TBC1D22A: variants seen among roughly 807,000 people sequenced by gnomAD.
TBC1D22A encodes the protein putative GTPase activator.
TBC1D22A carries 38 observed loss-of-function variants against 60.2 expected under a neutral mutation model. The observed-to-expected ratio is 0.63, with a 90% CI of 0.49 to 0.83. TBC1D22A has a LOEUF of 0.83. Among genes scored for constraint, TBC1D22A ranks in the 40% least tolerant of loss-of-function variants. TBC1D22A has a pLI of 0.00. For missense variants in TBC1D22A, 628 were observed against 701.0 expected, an observed-to-expected ratio of 0.90 and a Z score of 1.18; for synonymous variants, 302 against 281.7, an observed-to-expected ratio of 1.07 and a Z score of -0.72.
chr22:47,120,750 TCTC>T (rs1337496424), intron 12 of TBC1D22A, among the ~76,000 whole-genome samples: 2 of 152,202 alleles, frequency 1.3e-5, no homozygotes, highest in African/African-American at 4.8e-5. Context: ...TAAAAGCAGG[TCTC>T]CTCTGAAAAT....
chr22:47,124,109 C>T (rs77051538), intron 12 of TBC1D22A, among the ~76,000 whole-genome samples: 2 of 152,144 alleles, frequency 1.3e-5, no homozygotes, highest in East Asian at 1.9e-4. Flanking sequence ...TGTGTGGGAG[C>T]GGCAGAGAGA....
At chr22:46,797,979 C>T (rs2084731365) in intron 4 of TBC1D22A, among the ~76,000 whole-genome samples, 1 of 152,206 alleles carries the variant, frequency 6.6e-6, no homozygotes, top group Non-Finnish European at 1.5e-5. Context: ...TCAAGCAATC[C>T]TCCTGCCTCA....
At chr22:46,776,870 C>T (rs1750393112) in intron 1 of TBC1D22A, among the ~76,000 whole-genome samples, 2 of 152,066 alleles carry the variant, frequency 1.3e-5, no homozygotes. Context: ...GACCTGAAGG[C>T]ATACGAGTTC....
At chr22:46,941,127 A>G (rs1687161154) in intron 8 of TBC1D22A, among the ~76,000 whole-genome samples, 1 of 130,902 alleles carries the variant, frequency 7.6e-6, no homozygotes, top group Non-Finnish European at 1.6e-5. Context: ...ACACACACAC[A>G]CACACACACA....
intron 12 of TBC1D22A, among the ~76,000 whole-genome samples, chr22:47,111,921 CT>C (rs1242345837): frequency 6.6e-6 from 1 of 152,228 alleles, no homozygotes. Context: ...CTTGTGACCT[CT>C]GGTCCCTGGA....
intron 12 of TBC1D22A, among the ~76,000 whole-genome samples, chr22:47,157,479 G>C (rs766320101): frequency 6.6e-6 from 1 of 152,236 alleles, no homozygotes; most frequent in East Asian, 1.9e-4. Context: ...GGGGTCTGCT[G>C]TAGGTGTCCT....
intron 8 of TBC1D22A, among the ~76,000 whole-genome samples, chr22:46,942,023 A>AT (rs34913112): frequency 2.9e-5 from 4 of 136,756 alleles, no homozygotes; most frequent in South Asian, 2.3e-4. Flanking sequence ...ATATATATAT[A>AT]TATTATATAT....
chr22:47,110,143 T>G (rs937338062), intron 11 of TBC1D22A, among the ~76,000 whole-genome samples: 4 of 152,194 alleles, frequency 2.6e-5, no homozygotes, highest in African/African-American at 9.7e-5. Flanking sequence ...GTCTCTGTGT[T>G]TCCTGCTGCT....
At chr22:47,059,353 G>A (rs1036023383) in intron 11 of TBC1D22A, among the ~76,000 whole-genome samples, 3 of 152,226 alleles carry the variant, frequency 2.0e-5, no homozygotes, top group Non-Finnish European at 2.9e-5. Context: ...ACAGGAGGGC[G>A]TTGCACTGGC....
intron 11 of TBC1D22A, among the ~76,000 whole-genome samples, chr22:47,065,070 G>A (rs1234803448): frequency 2.0e-5 from 3 of 152,084 alleles, no homozygotes; most frequent in African/African-American, 4.8e-5. Context: ...TGTAACCTCC[G>A]CCTCCCGGGT....
intron 8 of TBC1D22A, among the ~76,000 whole-genome samples, chr22:46,950,508 C>A (rs533651111): frequency 2.3e-4 from 35 of 152,268 alleles, no homozygotes; most frequent in Admixed American, 1.8e-3. Context: ...CTGGACTGTC[C>A]TTTAGGGCCG....
At chr22:46,962,905 C>A (rs542620729) in intron 8 of TBC1D22A, among the ~76,000 whole-genome samples, 3 of 152,052 alleles carry the variant, frequency 2.0e-5, no homozygotes, top group African/African-American at 7.2e-5. Flanking sequence ...TTTTTTGTGA[C>A]GATGACTTTA....
chr22:46,945,128 T>C (rs981683107), intron 8 of TBC1D22A, among the ~76,000 whole-genome samples: 31 of 152,240 alleles, frequency 2.0e-4, no homozygotes, highest in Admixed American at 6.5e-5. Context: ...AATCCTCATC[T>C]TCTGGTCTCC....
At chr22:46,974,798 G>A (rs534415640) in intron 9 of TBC1D22A, among the ~76,000 whole-genome samples, 2 of 152,340 alleles carry the variant, frequency 1.3e-5, no homozygotes, top group East Asian at 3.9e-4. Context: ...CTGACACCAG[G>A]CTGTGAGCCC....
At chr22:47,089,545 C>A (rs562961183) in intron 11 of TBC1D22A, among the ~76,000 whole-genome samples, 1 of 152,172 alleles carries the variant, frequency 6.6e-6, no homozygotes, top group Non-Finnish European at 1.5e-5. Flanking sequence ...CGCACAAAGG[C>A]GGAAAGCCTG....
intron 4 of TBC1D22A, among the ~76,000 whole-genome samples, chr22:46,839,247 C>A (rs1041204708): frequency 5.9e-5 from 8 of 136,122 alleles, no homozygotes; most frequent in African/African-American, 7.9e-5. Context: ...ACAATAGAAT[C>A]AAAAAGAATG....
In TBC1D22A at chr22:46,836,181, A is replaced by G. The variant is rs183708488; in HGVS notation, c.637+38561A>G. On this transcript the variant is annotated intron_variant, in intron 4 of 12. Transcript: ENST00000337137. ...ATGTAGTCAAATTCAGAATACCTCA[A>G]TATTGTAATGATGGTGTGTAAATCA... 2.6e-5 allele frequency among the ~76,000 whole-genome samples: 4 copies of G among 152,370 alleles called. No individual in the cohort carries two copies. The East Asian group carries it at 5.8e-4, about 22-fold the overall frequency.
At chr22:46,958,980 A>G (rs1388418179) in intron 8 of TBC1D22A, among the ~76,000 whole-genome samples, 1 of 152,070 alleles carries the variant, frequency 6.6e-6, no homozygotes, top group Non-Finnish European at 1.5e-5. Flanking sequence ...GTGAAGCGGG[A>G]AGCTCTCCTT....
intron 12 of TBC1D22A, among the ~76,000 whole-genome samples, chr22:47,135,722 G>C (rs1004999572): frequency 6.6e-6 from 1 of 152,258 alleles, no homozygotes; most frequent in African/African-American, 2.4e-5. Context: ...ATTAGTACTT[G>C]TTGAAGGAAT....
Sources: allele counts gnomAD v4.1 joint callset (sites outside exome capture counted in the v4.1 genomes callset), GRCh38; gene constraint gnomAD v4.1.1; transcripts MANE v1.5; gene names NCBI Gene and HGNC (gene_info 2026-07-23, HGNC 2026-07-21).